Variants in KLK10 observed in about 807,000 individuals in gnomAD.
KLK10 encodes kallikrein related peptidase 10.
KLK10 carries 27 observed loss-of-function variants against 25.7 expected under a neutral mutation model. The observed-to-expected ratio is 1.05, with a 90% CI of 0.77 to 1.45. KLK10 has a LOEUF of 1.45. Ranked by LOEUF, KLK10 falls within the 40% of genes most tolerant of loss-of-function variation. KLK10 has a pLI of 0.00. For synonymous variants in KLK10, 173 were observed against 160.1 expected (o/e 1.08, Z -0.61); for missense variants, 386 against 370.0 (o/e 1.04, Z -0.35).
intron 3 of KLK10, among the ~76,000 whole-genome samples, chr19:51,016,543 A>G (rs976580232): frequency 2.8e-5 from 4 of 144,824 alleles, no homozygotes; most frequent in Non-Finnish European, 6.0e-5. Context: ...GATTACAGGC[A>G]CCCACCACCA....
chr19:51,015,723 C>T, intron 4 of KLK10, 159 bp downstream of exon 4: 1 of 1,070,478 alleles, frequency 9.3e-7, no homozygotes. Context: ...CCCCCAGCCC[C>T]TCCTCCCCTC....
In KLK10 at chr19:51,019,360, C is replaced by G. The variant is rs1391139457; in HGVS notation, c.-9-221G>C. 6.6e-6 allele frequency among the ~76,000 whole-genome samples: 1 copy of G among 152,208 alleles called. No homozygotes were observed. Among genetic ancestry groups the G allele is most frequent in the Non-Finnish European group, 1.5e-5 (1 of 68,032 alleles). On this transcript the variant is annotated intron_variant, in intron 1 of 5. Transcript: ENST00000358789. This position sits in a 1 kb window ranked among gnomAD's most constrained non-coding sequence, Gnocchi z 4.2. ...CCCTCGCGGCATCTTCCCGTCCTCC[C>G]TGTGCCCGAGTGGAGCGCTCTCCGC...
In KLK10 at chr19:51,014,756, A is replaced by G. The variant is rs1323778124; in HGVS notation, c.*44T>C. 6.3e-7 allele frequency: 1 copy of G among 1,598,952 alleles called. No individual in the cohort carries two copies. The highest frequency in any genetic ancestry group is 1.1e-5 in the South Asian group (1 of 89,086). On this transcript the variant is annotated 3_prime_UTR_variant, in exon 6 of 6. Coordinates refer to ENST00000358789, the MANE Select transcript of KLK10 (RefSeq NM_145888.3). ...GATGGAGCCTCTGGGCATCTGGATCAGCAGGAGCATAACATCTGGATCAGC... is the reference window on the plus strand; with the variant it reads ...GATGGAGCCTCTGGGCATCTGGATCGGCAGGAGCATAACATCTGGATCAGC...
chr19:51,018,164 C>CGAAAAAAAAAAAAAAAAAAAAAAAAAAA (rs2091356670), intron 2 of KLK10, among the ~76,000 whole-genome samples: 1 of 36,446 alleles, frequency 2.7e-5, no homozygotes, highest in Non-Finnish European at 4.4e-5. Flanking sequence ...TGCCCTGTCT[C>CGAAAAAAAAAAAAAAAAAAAAAAAAAAA]AAAAAAAAAA....
chr19:51,019,103 C>T lies in KLK10; in HGVS notation c.28G>A (p.Ala10Thr). 1 of 1,609,120 alleles carries T rather than the reference C, an allele frequency of 6.2e-7. No homozygotes were observed. The highest frequency in any genetic ancestry group is 8.5e-7 in the Non-Finnish European group (1 of 1,179,422). The change falls in exon 2 of 6, where the codon GCC becomes ACC. Residue 10 changes from alanine (A) to threonine (T), a missense_variant. By Grantham distance (58) the Ala-to-Thr change is moderately conservative. Coordinates refer to ENST00000358789, the MANE Select transcript of KLK10 (RefSeq NM_145888.3). The surrounding 1 kb of genome is among the most constrained non-coding windows in gnomAD (Gnocchi z 4.2). MRAPHLHLS[A>T]ASGARALAKL... is the part of the protein sequence containing the mutation. ...GCCAGAGCCCGGGCGCCAGAGGCGGCGGAGAGGTGGAGGTGCGGAGCTCTC... is the reference window on the plus strand; with the variant it reads ...GCCAGAGCCCGGGCGCCAGAGGCGGTGGAGAGGTGGAGGTGCGGAGCTCTC...
At chr19:51,015,720 C>T in intron 4 of KLK10, 162 bp downstream of exon 4, 2 of 1,053,980 alleles carry the variant, frequency 1.9e-6, no homozygotes, top group Non-Finnish European at 2.7e-6. Context: ...AGGCCCCCAG[C>T]CCCTCCTCCC....
At chr19:51,018,368 A>G (rs1376014517) in intron 2 of KLK10, 2 of 151,900 alleles carry the variant, frequency 1.3e-5, no homozygotes, top group Non-Finnish European at 2.9e-5. Flanking sequence ...GGGAAAGAGG[A>G]AGAAAAAAAG....
At position 51,013,161 on chromosome 19, in the gene KLK10, G is replaced by A. The variant is rs2091285200; in HGVS notation, c.*1639C>T. The A allele has an allele frequency of 1.3e-5, 2 of 152,154 alleles. No homozygotes were observed. Among genetic ancestry groups the A allele is most frequent in the South Asian group, 4.1e-4 (2 of 4,822 alleles). 9.4% of individuals were successfully genotyped at this position (152,154 alleles called of 1,614,324 possible). ...GCTAATGGGGGCAGAATGGGAAAGA[G>A]GCCACGGAAGGGAGCTGTGTGCTCA... On this transcript the variant is annotated 3_prime_UTR_variant, in exon 6 of 6. Transcript: ENST00000358789.
chr19:51,018,904 G>A, intron 2 of KLK10, 139 bp downstream of exon 2: 2 of 668,922 alleles, frequency 3.0e-6, no homozygotes, highest in South Asian at 1.8e-5. Flanking sequence ...ACTTGGGGGC[G>A]GGCCGTGCTC....
At chr19:51,015,779 A>G in intron 4 of KLK10, 103 bp downstream of exon 4, 1 of 1,262,802 alleles carries the variant, frequency 7.9e-7, no homozygotes, top group Non-Finnish European at 1.1e-6. Flanking sequence ...GTCCTCCCTC[A>G]GATCCAGGAA....
In KLK10 at chr19:51,019,096, GAGGC is replaced by G. The variant is rs761476500; in HGVS notation, c.31_34del (p.Ala11LeufsTer13). ...CAGCTTCGCCAGAGCCCGGGCGCCA[GAGGC>G]GGCGGAGAGGTGGAGGTGCGGAGCT... On this transcript the variant is annotated frameshift_variant, in exon 2 of 6. Coordinates refer to ENST00000358789, the MANE Select transcript of KLK10 (RefSeq NM_145888.3). LOFTEE classifies it high-confidence loss of function. This position sits in a 1 kb window ranked among gnomAD's most constrained non-coding sequence, Gnocchi z 4.2. 2 of 1,609,266 alleles carry G rather than the reference GAGGC, an allele frequency of 1.2e-6. No individual in the cohort carries two copies. Among genetic ancestry groups the G allele is most frequent in the Non-Finnish European group, 1.7e-6 (2 of 1,179,540 alleles).
chr19:51,016,095 G>A lies in KLK10; in HGVS notation c.331C>T (p.Arg111Trp), dbSNP rs372547311. 2.5e-5 allele frequency: 40 copies of A among 1,578,904 alleles called. No homozygotes were observed. The highest frequency in any genetic ancestry group is 5.5e-5 in the Admixed American group (3 of 54,582). Residue 111 changes from arginine (R) to tryptophan (W), a missense_variant, in exon 4 of 6, where the codon CGG becomes TGG. Arg to Trp is a moderately radical substitution (Grantham distance 101). Transcript: ENST00000358789. ...GGATGGACAACAGAGCGAGTGGTCC[G>A]GCGGAGCTGCTCTCCCTGAAGAAGC... Reference protein sequence around the residue: ...LLLLQGEQLRRTTRSVVHPKY... With the variant: ...LLLLQGEQLRWTTRSVVHPKY...
Position 51,014,481 on chromosome 19 carries a change from T to G in KLK10, c.*319A>C. ...TTGCCCAAAGTCACACAGCAGGGAG[T>G]GGCAGAGGAAGTCAGGTTGGGTGAC... On this transcript the variant is annotated 3_prime_UTR_variant, in exon 6 of 6. Coordinates refer to ENST00000358789, the MANE Select transcript of KLK10 (RefSeq NM_145888.3). The G allele has an allele frequency of 2.6e-5, 6 of 226,978 alleles. No homozygotes were observed. The highest frequency in any genetic ancestry group is 4.4e-5 in the Non-Finnish European group (5 of 114,922). 14.1% of individuals were successfully genotyped at this position (226,978 alleles called of 1,614,324 possible).
rs1300832408 is a variant in KLK10 at position 51,015,862 on chromosome 19, C to A, written c.544+20G>T. 6.6e-7 allele frequency: 1 copy of A among 1,504,514 alleles called. No homozygotes were observed. Among genetic ancestry groups the A allele is most frequent in the Non-Finnish European group, 8.9e-7 (1 of 1,128,730 alleles). The allele number at this position is 1,504,514 out of a possible 1,614,324, so 93.2% of individuals were successfully genotyped here. On this transcript the variant is annotated intron_variant, in intron 4 of 5. Coordinates refer to ENST00000358789, the MANE Select transcript of KLK10 (RefSeq NM_145888.3). Reference sequence around the variant, plus strand: ...AGCCCCCTCCTCCTGAGGTTCCGGCCTCAGAGCCCCAGCTCTTGCCTCTCC... The same window carrying A: ...AGCCCCCTCCTCCTGAGGTTCCGGCATCAGAGCCCCAGCTCTTGCCTCTCC...
chr19:51,015,506 T>TC lies in KLK10; in HGVS notation c.588dup (p.Ser197GlufsTer3), dbSNP rs766308034. 19 of 1,613,936 alleles carry TC rather than the reference T, an allele frequency of 1.2e-5. 3 individuals are homozygous for TC. The South Asian group carries it at 2.1e-4, about 18-fold the overall frequency. On this transcript the variant is annotated frameshift_variant, in exon 5 of 6. Coordinates refer to ENST00000358789, the MANE Select transcript of KLK10 (RefSeq NM_145888.3). LOFTEE classifies it high-confidence loss of function. ...TAGAAGACCTCACACTCTTTAGGGCTCAGGATAGTGATGCTGGAGCAGGTC... is the reference window on the plus strand; with the variant it reads ...TAGAAGACCTCACACTCTTTAGGGCTCCAGGATAGTGATGCTGGAGCAGGTC...
rs2304156 is a variant in KLK10, at chr19:51,019,030, C to T, written c.88+13G>A. ...CACCGGCGCCTCTCCCCGCCCCCTGCCCCCGACCTTACCCCAGAGTTGCGC... is the reference window on the plus strand; with the variant it reads ...CACCGGCGCCTCTCCCCGCCCCCTGTCCCCGACCTTACCCCAGAGTTGCGC... On this transcript the variant is annotated intron_variant, in intron 2 of 5. Transcript: ENST00000358789. This position sits in a 1 kb window ranked among gnomAD's most constrained non-coding sequence, Gnocchi z 4.2. 0.33 allele frequency: 522,261 copies of T among 1,574,752 alleles called. 88,748 individuals are homozygous for T. The highest frequency in any genetic ancestry group is 0.44 in the Admixed American group (26,149 of 58,790).
Position 51,014,126 on chromosome 19 carries a change from A to G in KLK10, c.*674T>C, listed in dbSNP as rs1370580715. 5 of 152,334 alleles carry G rather than the reference A, an allele frequency of 3.3e-5. No individual in the cohort carries two copies. The highest frequency in any genetic ancestry group is 7.3e-5 in the Non-Finnish European group (5 of 68,132). The allele number at this position is 152,334 out of a possible 1,614,324, so 9.4% of individuals were successfully genotyped here. A position where few individuals can be genotyped will look rare whatever the true frequency, so the allele number is the denominator to read the frequency against. On this transcript the variant is annotated 3_prime_UTR_variant, in exon 6 of 6. Coordinates refer to ENST00000358789, the MANE Select transcript of KLK10 (RefSeq NM_145888.3). ...AGTGGGAGATGAGAAGGAAGTGGTT[A>G]AAAGGTGTTTCCTGGGACTTGGAAC...
chr19:51,016,270 G>A (rs2122434667), intron 3 of KLK10, 114 bp from the exon 4 acceptor site: 3 of 1,207,478 alleles, frequency 2.5e-6, no homozygotes, highest in Non-Finnish European at 3.4e-6. Context: ...GGGCCTTGTG[G>A]GAGAAGGGGA....
chr19:51,019,137 G>C lies in KLK10; in HGVS notation c.-7C>G. On this transcript the variant is annotated splice_region_variant and 5_prime_UTR_variant, in exon 2 of 6. It adds an upstream start codon to the 5' untranslated region. Transcript: ENST00000358789. This position sits in a 1 kb window ranked among gnomAD's most constrained non-coding sequence, Gnocchi z 4.2. ...GGAGGTGCGGAGCTCTCATGGCCAG[G>C]ATCTGCTGGGGTGTGTGCAGGGGCG... 6.2e-7 allele frequency: 1 copy of C among 1,606,000 alleles called. No homozygotes were observed. The highest frequency in any genetic ancestry group is 1.1e-5 in the South Asian group (1 of 90,278).
Sources: gnomAD v4.1 joint callset for allele counts (sites outside exome capture counted in the v4.1 genomes callset) on GRCh38, gnomAD v4.1.1 for gene constraint, Gnocchi (gnomAD v3.1) non-coding constraint, MANE v1.5 for transcripts, NCBI Gene and HGNC (gene_info 2026-07-23, HGNC 2026-07-21) for gene names.